ANO10: variants seen among roughly 807,000 people sequenced by gnomAD.
The protein encoded by ANO10 is anoctamin-10.
A neutral mutation model predicts 74.7 loss-of-function variants in ANO10; 77 were observed. The observed-to-expected ratio is 1.03, with a 90% CI of 0.86 to 1.25. The LOEUF (loss-of-function observed/expected upper bound fraction) is 1.25, where lower values mean the gene tolerates loss of function less well. Ranked by LOEUF, ANO10 falls within the 50% of genes most tolerant of loss-of-function variation. ANO10 has a pLI of 0.00. For missense variants in ANO10, 721 were observed against 778.1 expected (o/e 0.93, Z 0.87); for synonymous variants, 279 against 284.9 (o/e 0.98, Z 0.21).
At chr3:43,394,599 C>T (rs1420971007) in intron 12 of ANO10, among the ~76,000 whole-genome samples, 3 of 152,184 alleles carry the variant, frequency 2.0e-5, no homozygotes, top group Admixed American at 6.5e-5. Flanking sequence ...AACAACAACG[C>T]CCTTACACTT....
At chr3:43,568,465 C>T (rs6441782) in intron 7 of ANO10, among the ~76,000 whole-genome samples, 3 of 149,456 alleles carry the variant, frequency 2.0e-5, no homozygotes, top group Admixed American at 6.7e-5. Flanking sequence ...TGTAAAAGAA[C>T]AGAAATTATA....
intron 1 of ANO10, chr3:43,690,063 T>C (rs1368206882): frequency 6.6e-6 from 1 of 151,238 alleles, no homozygotes; most frequent in Admixed American, 6.6e-5. Context: ...ACATAGACTT[T>C]TTTTTTTTTT....
chr3:43,372,875 T>C (rs913054608), intron 12 of ANO10: 1 of 1,533,866 alleles, frequency 6.5e-7, no homozygotes, highest in African/African-American at 1.4e-5. Flanking sequence ...GAAATTCTAA[T>C]TTAGCCAGTA....
intron 2 of ANO10, 45 bp from the exon 3 acceptor site, chr3:43,600,626 T>C: frequency 6.7e-7 from 1 of 1,500,738 alleles, no homozygotes; most frequent in South Asian, 1.2e-5. Flanking sequence ...AACATAAAAG[T>C]TTCAAAACTA....
chr3:43,605,352 C>T (rs1032523837), intron 2 of ANO10, among the ~76,000 whole-genome samples: 1 of 152,158 alleles, frequency 6.6e-6, no homozygotes, highest in Non-Finnish European at 1.5e-5. Flanking sequence ...TCCCTTAGCA[C>T]CATAACTGGC....
rs1253950886 is a variant in ANO10, at chr3:43,428,011, GC to G, written c.1914+4599del. On this transcript the variant is annotated intron_variant, in intron 12 of 12. Transcript: ENST00000292246. ...TTGAGTCAGCAAAAGAGAGTGAGAGGCGGTTGTTACATACGATATCTTTGGT... is the reference window on the plus strand; with the variant it reads ...TTGAGTCAGCAAAAGAGAGTGAGAGGGGTTGTTACATACGATATCTTTGGT... Among the ~76,000 whole-genome samples the G allele has an allele frequency of 2.0e-5, 3 of 151,998 alleles. No homozygotes were observed. In the East Asian group the frequency reaches 5.8e-4, roughly 29 times the overall value.
At chr3:43,429,183 T>C (rs2092944873) in intron 12 of ANO10, among the ~76,000 whole-genome samples, 2 of 152,146 alleles carry the variant, frequency 1.3e-5, no homozygotes, top group South Asian at 2.1e-4. Context: ...TTTGGAGTTT[T>C]AGGTAAATGT....
intron 1 of ANO10, among the ~76,000 whole-genome samples, chr3:43,651,242 T>C (rs1225656612): frequency 1.3e-5 from 2 of 152,222 alleles, no homozygotes; most frequent in Non-Finnish European, 2.9e-5. Flanking sequence ...CTACTGTGTG[T>C]CCTACACTGT....
At chr3:43,655,151 A>G (rs2083833971) in intron 1 of ANO10, among the ~76,000 whole-genome samples, 1 of 152,212 alleles carries the variant, frequency 6.6e-6, no homozygotes, top group South Asian at 2.1e-4. Context: ...ATTCCAAGAA[A>G]AGCAAGGGCC....
intron 11 of ANO10, among the ~76,000 whole-genome samples, chr3:43,525,482 T>C (rs1245785368): frequency 6.6e-6 from 1 of 152,178 alleles, no homozygotes; most frequent in Non-Finnish European, 1.5e-5. Flanking sequence ...CAACCATTCC[T>C]GCTTCTGCTC....
intron 9 of ANO10, among the ~76,000 whole-genome samples, chr3:43,556,440 T>C (rs2079753603): frequency 6.6e-6 from 1 of 152,068 alleles, no homozygotes; most frequent in Non-Finnish European, 1.5e-5. Flanking sequence ...AGCAGCGTGC[T>C]CCACACTCTG....
At chr3:43,446,684 A>G (rs1053186463) in intron 11 of ANO10, among the ~76,000 whole-genome samples, 12 of 152,204 alleles carry the variant, frequency 7.9e-5, no homozygotes, top group African/African-American at 2.7e-4. Context: ...TGACAATAAC[A>G]ATCAATTTTA....
chr3:43,568,145 A>C (rs1219574396), intron 7 of ANO10, among the ~76,000 whole-genome samples: 1 of 129,500 alleles, frequency 7.7e-6, no homozygotes, highest in East Asian at 3.2e-4. Flanking sequence ...TATCCTAAAT[A>C]TATATGCACC....
At chr3:43,367,641 A>T (rs1291414464) in intron 12 of ANO10, among the ~76,000 whole-genome samples, 1 of 152,106 alleles carries the variant, frequency 6.6e-6, no homozygotes, top group East Asian at 1.9e-4. Context: ...GGGAGGTGTC[A>T]GAAGGGAGAG....
intron 11 of ANO10, among the ~76,000 whole-genome samples, chr3:43,462,288 G>A (rs999958103): frequency 3.9e-5 from 6 of 152,140 alleles, no homozygotes; most frequent in South Asian, 2.1e-4. Context: ...GGAGTGCAAC[G>A]GTACGATCTT....
intron 11 of ANO10, among the ~76,000 whole-genome samples, chr3:43,477,711 G>A (rs769505468): frequency 1.3e-5 from 2 of 152,244 alleles, no homozygotes. Flanking sequence ...ACTGTCAGTC[G>A]ACCTTGGGTG....
intron 11 of ANO10, among the ~76,000 whole-genome samples, chr3:43,511,133 A>G (rs768231060): frequency 8.5e-5 from 13 of 152,222 alleles, no homozygotes; most frequent in Non-Finnish European, 1.6e-4. Context: ...TTTTAAGTCA[A>G]TTAATGCAAA....
chr3:43,562,874 G>C (rs1427214063), intron 8 of ANO10, among the ~76,000 whole-genome samples: 4 of 151,990 alleles, frequency 2.6e-5, no homozygotes, highest in Admixed American at 2.6e-4. Flanking sequence ...GAAAACATAG[G>C]GGAAATACTA....
chr3:43,428,796 C>CAAAAAAAAAAAGAAAAAAAAAA (rs2092936904), intron 12 of ANO10, among the ~76,000 whole-genome samples: 1 of 55,424 alleles, frequency 1.8e-5, no homozygotes, highest in Non-Finnish European at 3.2e-5. Context: ...TTTGTGAATG[C>CAAAAAAAAAAAGAAAAAAAAAA]AAAAAAAAAA....
Sources: allele counts gnomAD v4.1 joint callset (sites outside exome capture counted in the v4.1 genomes callset), GRCh38; gene constraint gnomAD v4.1.1; transcripts MANE v1.5; gene names NCBI Gene and HGNC (gene_info 2026-07-23, HGNC 2026-07-21).